SRGAP1: variants seen among roughly 807,000 people sequenced by gnomAD.
SRGAP1 encodes SLIT-ROBO Rho GTPase-activating protein 1.
Under a neutral mutation model 121.9 loss-of-function variants are expected in SRGAP1, and 43 were observed. The observed-to-expected ratio is 0.35, with a 90% CI of 0.28 to 0.46. The LOEUF is 0.46. SRGAP1 is among the 20% of genes least tolerant of loss of function. The pLI is 1.00. For missense variants in SRGAP1, 1,102 were observed against 1,350.9 expected, an observed-to-expected ratio of 0.82 and a Z score of 2.89; for synonymous variants, 447 against 485.4, an observed-to-expected ratio of 0.92 and a Z score of 1.04.
chr12:64,103,102 C>G (rs1204899258), intron 15 of SRGAP1, among the ~76,000 whole-genome samples: 1 of 152,160 alleles, frequency 6.6e-6, no homozygotes, highest in Non-Finnish European at 1.5e-5. Flanking sequence ...CCCTCAGCCT[C>G]CCAAGTAGCT....
chr12:64,138,701 A>T, intron 21 of SRGAP1, among the ~76,000 whole-genome samples: 1 of 151,848 alleles, frequency 6.6e-6, no homozygotes, highest in Middle Eastern at 3.2e-3. Context: ...AATAAAGGGA[A>T]ATTGATATTA....
intron 6 of SRGAP1, among the ~76,000 whole-genome samples, chr12:64,049,861 C>G (rs1291034399): frequency 1.3e-5 from 2 of 152,024 alleles, no homozygotes. Context: ...CTCAGGATGG[C>G]TTTGGCTACT....
intron 1 of SRGAP1, among the ~76,000 whole-genome samples, chr12:63,882,827 A>G (rs1383017653): frequency 6.6e-6 from 1 of 152,236 alleles, no homozygotes; most frequent in East Asian, 1.9e-4. Context: ...TAGGTACCCA[A>G]CCAAGAACAA....
chr12:64,014,799 G>C (rs2034355493), intron 3 of SRGAP1, among the ~76,000 whole-genome samples: 1 of 151,936 alleles, frequency 6.6e-6, no homozygotes, highest in African/African-American at 2.4e-5. Flanking sequence ...TGAAGTCTTA[G>C]CCAAGAAATA....
In SRGAP1 at chr12:64,139,864, T is replaced by C. The variant is rs549187521; in HGVS notation, c.2881-2431T>C. ...TGCCTAGGTTTTCTTCTAGGGTTTT[T>C]ATGGTTTTAGGTCTAATGTTTAAGT... On this transcript the variant is annotated intron_variant, in intron 21 of 21. Transcript: ENST00000355086. Among the ~76,000 whole-genome samples the C allele has an allele frequency of 8.1e-4, 123 of 152,332 alleles. 1 individual carries two copies. Among genetic ancestry groups the C allele is most frequent in the Non-Finnish European group, 1.6e-3 (107 of 68,018 alleles).
chr12:64,037,738 C>T (rs2034930085), intron 4 of SRGAP1, among the ~76,000 whole-genome samples: 1 of 152,214 alleles, frequency 6.6e-6, no homozygotes, highest in Non-Finnish European at 1.5e-5. Flanking sequence ...TCTTTCTAGC[C>T]TGGATGCCCT....
At chr12:64,028,497 A>C (rs1453850478) in intron 4 of SRGAP1, among the ~76,000 whole-genome samples, 4 of 152,214 alleles carry the variant, frequency 2.6e-5, no homozygotes, top group Non-Finnish European at 4.4e-5. Flanking sequence ...AGATTTTCTT[A>C]GTTTGTTCTG....
chr12:63,970,990 G>T (rs2032930459), intron 1 of SRGAP1, among the ~76,000 whole-genome samples: 1 of 152,020 alleles, frequency 6.6e-6, no homozygotes, highest in Non-Finnish European at 1.5e-5. Context: ...CTAATAATTA[G>T]CCCAGCCTCT....
At position 64,141,470 on chromosome 12, in the gene SRGAP1, C is replaced by T. The variant is rs964946539; in HGVS notation, c.2881-825C>T. On this transcript the variant is annotated intron_variant, in intron 21 of 21. Transcript: ENST00000355086. The stretch of plus-strand genomic sequence containing the variant: ...TGGTGGGCGCCTGTAATCCCAGCTA[C>T]TTGGGAGGCTGAGGCAGGAGAATTG... 2.6e-5 allele frequency among the ~76,000 whole-genome samples: 4 copies of T among 151,856 alleles called. No homozygotes were observed. In the East Asian group the frequency reaches 7.8e-4, roughly 30 times the overall value.
At chr12:64,107,909 G>A (rs531354806) in intron 15 of SRGAP1, among the ~76,000 whole-genome samples, 14 of 152,230 alleles carry the variant, frequency 9.2e-5, no homozygotes, top group Middle Eastern at 3.4e-3. Flanking sequence ...ATCCAAGAAA[G>A]GCAACCAGAC....
chr12:63,987,738 A>G (rs1016777620), intron 2 of SRGAP1, among the ~76,000 whole-genome samples: 1 of 152,086 alleles, frequency 6.6e-6, no homozygotes, highest in African/African-American at 2.4e-5. Context: ...ATAAAAATAA[A>G]TAAAAAGAAG....
chr12:64,114,058 C>T (rs2036477020), intron 17 of SRGAP1, among the ~76,000 whole-genome samples: 1 of 151,944 alleles, frequency 6.6e-6, no homozygotes, highest in Admixed American at 6.6e-5. Context: ...ATAGTATGGT[C>T]ATATGCCTTA....
intron 8 of SRGAP1, among the ~76,000 whole-genome samples, chr12:64,066,189 C>A (rs1468443349): frequency 6.6e-6 from 1 of 152,148 alleles, no homozygotes. Context: ...GAAGTGATTT[C>A]TTCATGTGTG....
intron 4 of SRGAP1, among the ~76,000 whole-genome samples, chr12:64,019,668 A>G (rs2034496809): frequency 6.6e-6 from 1 of 152,172 alleles, no homozygotes; most frequent in South Asian, 2.1e-4. Flanking sequence ...TTCAAATCAA[A>G]TCTATCCATT....
chr12:63,938,341 C>A (rs1480164837), intron 1 of SRGAP1, among the ~76,000 whole-genome samples: 1 of 152,160 alleles, frequency 6.6e-6, no homozygotes, highest in African/African-American at 2.4e-5. Context: ...GGTGGAAGAG[C>A]AGATGCCGCC....
At chr12:64,087,359 A>G (rs2035965731) in intron 11 of SRGAP1, among the ~76,000 whole-genome samples, 1 of 152,254 alleles carries the variant, frequency 6.6e-6, no homozygotes, top group Non-Finnish European at 1.5e-5. Flanking sequence ...TTAATTAAAA[A>G]AAAAATACGA....
intron 1 of SRGAP1, among the ~76,000 whole-genome samples, chr12:63,900,215 T>TTTTTTC (rs1565942297): frequency 2.9e-4 from 42 of 142,738 alleles, no homozygotes; most frequent in East Asian, 1.0e-3. Context: ...TTTTTTTTTT[T>TTTTTTC]TTTTTTTTGA....
At chr12:64,112,782 G>A (rs1754873942) in intron 17 of SRGAP1, among the ~76,000 whole-genome samples, 1 of 152,130 alleles carries the variant, frequency 6.6e-6, no homozygotes, top group East Asian at 1.9e-4. Context: ...AGTGAAATAA[G>A]CCAGGCGGGA....
chr12:64,142,439 C>G lies in SRGAP1; in HGVS notation c.3025C>G (p.Leu1009Val). The change falls in exon 22 of 22, where the codon CTC (leucine) becomes GTC (valine). Residue 1009 changes from leucine to valine, a missense_variant. Coordinates refer to ENST00000355086, the MANE Select transcript of SRGAP1 (RefSeq NM_020762.4). ...CACCCCTGCCACTTCCACGGAATCT[C>G]TCAGCCCTTTGCACAACGTTGCCCT... is the stretch of plus-strand genomic sequence containing the variant. ...SPTPATSTESLSPLHNVALRS... is the reference protein window; with the variant it reads ...SPTPATSTESVSPLHNVALRS... 6.2e-7 allele frequency: 1 copy of G among 1,614,176 alleles called. No homozygotes were observed. Among genetic ancestry groups the G allele is most frequent in the Non-Finnish European group, 8.5e-7 (1 of 1,180,046 alleles).
Sources: allele counts gnomAD v4.1 joint callset (sites outside exome capture counted in the v4.1 genomes callset), GRCh38; gene constraint gnomAD v4.1.1; transcripts MANE v1.5; gene names NCBI Gene and HGNC (gene_info 2026-07-23, HGNC 2026-07-21).